Variants in UNC5D observed in about 807,000 individuals in gnomAD.
UNC5D encodes netrin receptor UNC5D.
UNC5D carries 39 observed loss-of-function variants against 105.4 expected under a neutral mutation model. The observed-to-expected ratio is 0.37, with a 90% CI of 0.29 to 0.48. UNC5D has a LOEUF of 0.48. Among genes scored for constraint, UNC5D ranks in the 20% least tolerant of loss-of-function variants. The probability of loss-of-function intolerance (pLI) is 0.98; values close to 1 mark genes in which losing one functional copy is unlikely to be tolerated. For synonymous variants in UNC5D, 452 were observed against 450.4 expected (o/e 1.00, Z -0.04); for missense variants, 991 against 1,202.4 (o/e 0.82, Z 2.60).
At chr8:35,753,281 T>A (rs1026650762) in intron 13 of UNC5D, among the ~76,000 whole-genome samples, 2 of 152,068 alleles carry the variant, frequency 1.3e-5, no homozygotes, top group Admixed American at 6.5e-5. Flanking sequence ...TTTTTTTTTG[T>A]TTTTTGAGAT....
At chr8:35,562,419 T>G (rs1332252453) in intron 2 of UNC5D, among the ~76,000 whole-genome samples, 2 of 152,156 alleles carry the variant, frequency 1.3e-5, no homozygotes, top group Non-Finnish European at 2.9e-5. Context: ...TACTGTCTTC[T>G]ATAGTGACTA....
At chr8:35,749,775 TTA>T (rs1162806450) in intron 12 of UNC5D, among the ~76,000 whole-genome samples, 1 of 152,134 alleles carries the variant, frequency 6.6e-6, no homozygotes, top group Non-Finnish European at 1.5e-5. Flanking sequence ...TCACAATCTC[TTA>T]TACACAGATG....
intron 1 of UNC5D, among the ~76,000 whole-genome samples, chr8:35,518,643 T>G (rs1265321315): frequency 6.6e-6 from 1 of 152,324 alleles, no homozygotes; most frequent in East Asian, 1.9e-4. Flanking sequence ...TATTTATGCA[T>G]GTTTTCTTTG....
intron 4 of UNC5D, among the ~76,000 whole-genome samples, chr8:35,668,527 T>C (rs553401203): frequency 1.4e-4 from 22 of 152,242 alleles, no homozygotes; most frequent in African/African-American, 4.8e-4. Context: ...ATCCTAATAT[T>C]ATAAGAATAT....
Position 35,665,640 on chromosome 8 carries a change from A to ATTT in UNC5D, c.571-17892_571-17890dup, listed in dbSNP as rs376152620. ...CATGAGGTAGGGGAGAGAAGGTGCCATTTTTTTTTTTTTTTTTGCATTTTG... is the reference window on the plus strand; with the variant it reads ...CATGAGGTAGGGGAGAGAAGGTGCCATTTTTTTTTTTTTTTTTTTTGCATTTTG... On this transcript the variant is annotated intron_variant, in intron 4 of 16. Coordinates refer to ENST00000404895, the MANE Select transcript of UNC5D (RefSeq NM_080872.4). 1.8e-3 allele frequency among the ~76,000 whole-genome samples: 226 copies of ATTT among 124,048 alleles called. 3 individuals are homozygous for ATTT. The highest frequency in any genetic ancestry group is 6.0e-3 in the African/African-American group (202 of 33,792). 81.4% of individuals were successfully genotyped at this position (124,048 alleles called of 152,430 possible).
intron 2 of UNC5D, 146 bp from the exon 3 acceptor site, chr8:35,567,950 AAT>A: frequency 8.0e-7 from 1 of 1,242,868 alleles, no homozygotes; most frequent in Non-Finnish European, 1.1e-6. Flanking sequence ...AATTAGCAGT[AAT>A]ATATTATTGT....
chr8:35,505,742 T>C (rs1169764346), intron 1 of UNC5D, among the ~76,000 whole-genome samples: 1 of 152,206 alleles, frequency 6.6e-6, no homozygotes, highest in Non-Finnish European at 1.5e-5. Context: ...GATGGTTTTA[T>C]TTTTAAACCG....
intron 1 of UNC5D, among the ~76,000 whole-genome samples, chr8:35,294,955 G>A (rs1427989687): frequency 1.4e-4 from 21 of 152,076 alleles, no homozygotes; most frequent in Admixed American, 1.3e-4. Context: ...AACCATGGGA[G>A]GTCACTTTGT....
chr8:35,286,515 T>C (rs1304388431), intron 1 of UNC5D, among the ~76,000 whole-genome samples: 1 of 152,186 alleles, frequency 6.6e-6, no homozygotes, highest in Non-Finnish European at 1.5e-5. Context: ...AACTAAGTTC[T>C]GGCGCTCACA....
At chr8:35,527,645 C>T (rs7836711) in intron 1 of UNC5D, among the ~76,000 whole-genome samples, 5,612 of 152,088 alleles carry the variant, frequency 0.037, 279 homozygotes, top group African/African-American at 0.11. Context: ...TGGGTTCAAG[C>T]GATTCTCCTG....
chr8:35,268,178 A>G (rs1775479296), intron 1 of UNC5D, among the ~76,000 whole-genome samples: 1 of 152,166 alleles, frequency 6.6e-6, no homozygotes, highest in African/African-American at 2.4e-5. Context: ...CAAAATTTTC[A>G]ATGGTTTTCC....
At chr8:35,237,223 T>C (rs527702494) in intron 1 of UNC5D, among the ~76,000 whole-genome samples, 3 of 134,344 alleles carry the variant, frequency 2.2e-5, no homozygotes, top group African/African-American at 8.5e-5. Flanking sequence ...GCGGGCTTTG[T>C]AAGAAGCAGG....
At chr8:35,492,858 A>T (rs1280950266) in intron 1 of UNC5D, among the ~76,000 whole-genome samples, 2 of 152,198 alleles carry the variant, frequency 1.3e-5, no homozygotes, top group Non-Finnish European at 2.9e-5. Context: ...CACTGCAAAC[A>T]AAGATTGTCT....
intron 4 of UNC5D, among the ~76,000 whole-genome samples, chr8:35,602,560 CT>C (rs1819963578): frequency 6.6e-6 from 1 of 152,284 alleles, no homozygotes; most frequent in East Asian, 1.9e-4. Flanking sequence ...TTATCCATTT[CT>C]TCTAGATTTT....
intron 1 of UNC5D, among the ~76,000 whole-genome samples, chr8:35,382,755 A>C (rs1474674267): frequency 6.6e-6 from 1 of 152,152 alleles, no homozygotes; most frequent in Non-Finnish European, 1.5e-5. Context: ...CAGCTTACAC[A>C]CTGCTTGGAT....
chr8:35,576,513 A>C (rs768580539), intron 3 of UNC5D, among the ~76,000 whole-genome samples: 3 of 152,226 alleles, frequency 2.0e-5, no homozygotes, highest in Non-Finnish European at 4.4e-5. Context: ...TAAACTGTAC[A>C]TAAATAGGCA....
chr8:35,281,830 T>C (rs1806200110), intron 1 of UNC5D, among the ~76,000 whole-genome samples: 1 of 152,228 alleles, frequency 6.6e-6, no homozygotes, highest in Admixed American at 6.5e-5. Flanking sequence ...CCTAGCCTGC[T>C]TACTTCGTTG....
chr8:35,409,201 A>C (rs1804998860), intron 1 of UNC5D, among the ~76,000 whole-genome samples: 1 of 152,042 alleles, frequency 6.6e-6, no homozygotes, highest in Non-Finnish European at 1.5e-5. Context: ...TGCTGCTTTA[A>C]AAATTCTCAC....
intron 1 of UNC5D, among the ~76,000 whole-genome samples, chr8:35,509,286 G>A (rs1215889019): frequency 6.6e-6 from 1 of 151,534 alleles, no homozygotes; most frequent in Non-Finnish European, 1.5e-5. Context: ...AAAGAAAATA[G>A]GTTTACTATT....
Sources: gnomAD v4.1 joint callset for allele counts (sites outside exome capture counted in the v4.1 genomes callset) on GRCh38, gnomAD v4.1.1 for gene constraint, MANE v1.5 for transcripts, NCBI Gene and HGNC (gene_info 2026-07-23, HGNC 2026-07-21) for gene names.